The following NEK5 variants were observed in gnomAD, a reference collection of about 807,000 sequenced individuals.
NEK5 encodes the protein serine/threonine-protein kinase Nek5.
NEK5 carries 88 observed loss-of-function variants against 109.2 expected under a neutral mutation model. The ratio of observed to expected loss-of-function variants is 0.81; its 90% CI spans 0.68 to 0.96. The LOEUF (loss-of-function observed/expected upper bound fraction) is 0.96. NEK5 is among the 40% of genes least tolerant of loss of function. The probability of loss-of-function intolerance (pLI) is 0.00; values close to 1 mark genes in which losing one functional copy is unlikely to be tolerated. For synonymous variants in NEK5, 283 were observed against 299.9 expected (o/e 0.94, Z 0.58); for missense variants, 834 against 920.7 (o/e 0.91, Z 1.22).
chr13:52,039,637 A>G (rs914619934), intron 23 of NEK5, among the ~76,000 whole-genome samples: 1 of 152,116 alleles, frequency 6.6e-6, no homozygotes, highest in South Asian at 2.1e-4. Context: ...TTTCATATAC[A>G]TTTGACTTCA....
intron 4 of NEK5, among the ~76,000 whole-genome samples, chr13:52,114,345 T>C (rs960361149): frequency 6.6e-6 from 1 of 152,348 alleles, no homozygotes; most frequent in Middle Eastern, 3.4e-3. Flanking sequence ...CAAAATCTCT[T>C]GCCAAATATC....
intron 21 of NEK5, among the ~76,000 whole-genome samples, chr13:52,064,193 C>T (rs1179892436): frequency 1.4e-4 from 19 of 138,224 alleles, no homozygotes; most frequent in East Asian, 4.5e-4. Flanking sequence ...GTCAGCCCCC[C>T]GCCCGGCCAG....
At chr13:52,042,366 G>C (rs1327605609) in intron 23 of NEK5, among the ~76,000 whole-genome samples, 2 of 150,244 alleles carry the variant, frequency 1.3e-5, no homozygotes, top group African/African-American at 4.9e-5. Flanking sequence ...TTGAGAATAT[G>C]TATATATTAA....
chr13:52,059,893 A>G (rs1246080066), intron 22 of NEK5, among the ~76,000 whole-genome samples: 4 of 152,112 alleles, frequency 2.6e-5, no homozygotes, highest in Non-Finnish European at 5.9e-5. Flanking sequence ...AGCATGGCAC[A>G]TGTATACATA....
At chr13:52,085,611 G>A (rs1955126455) in intron 16 of NEK5, among the ~76,000 whole-genome samples, 1 of 152,188 alleles carries the variant, frequency 6.6e-6, no homozygotes. Flanking sequence ...GCTTCTCCTA[G>A]GAGAGCATTC....
At chr13:52,037,922 CA>C (rs58843405) in intron 23 of NEK5, among the ~76,000 whole-genome samples, 37 of 141,628 alleles carry the variant, frequency 2.6e-4, no homozygotes, top group Admixed American at 4.8e-4. Flanking sequence ...GACTCCGTCT[CA>C]AAAAAAAAAA....
chr13:52,075,837 G>GAA lies in NEK5; in HGVS notation c.1654-12_1654-11insTT. ...AAATTTTACCCCCTTCTAGGAGAAAGCAAAAAAAAAAAAAAAGTTTAGCAA... is the reference window on the plus strand; with the variant it reads ...AAATTTTACCCCCTTCTAGGAGAAAGAACAAAAAAAAAAAAAAAGTTTAGCAA... On this transcript the variant is annotated splice_polypyrimidine_tract_variant and intron_variant, in intron 18 of 23. Coordinates refer to ENST00000684899, the MANE Select transcript of NEK5 (RefSeq NM_001365552.1). 5 of 1,203,698 alleles carry GAA rather than the reference G, an allele frequency of 4.2e-6. No individual in the cohort carries two copies. The highest frequency in any genetic ancestry group is 2.7e-5 in the East Asian group (1 of 36,384). The allele number at this position is 1,203,698 out of a possible 1,614,324, so 74.6% of individuals were successfully genotyped here. A position where few individuals can be genotyped will look rare whatever the true frequency, so the allele number is the denominator to read the frequency against.
In NEK5 at chr13:52,072,025, T is replaced by G; in HGVS notation, c.1768A>C (p.Lys590Gln). ...NETLTFEDGM[K>Q]FKEYECVKEH... ...TTTACACATTCATATTCCTTAAACT[T>G]CATGCCATCCTCAAAGGTCAAAGTT... The change falls in exon 20 of 24, where the codon AAG (lysine) becomes CAG (glutamine). Residue 590 changes from lysine to glutamine, a missense_variant. Lys to Gln is a moderately conservative substitution (Grantham distance 53). Around this residue, in one of 2 missense-constraint regions of NEK5, gnomAD observed 777 missense variants for 824.7 expected, o/e 0.94. Coordinates refer to ENST00000684899, the MANE Select transcript of NEK5 (RefSeq NM_001365552.1). 1 of 1,611,152 alleles carries G rather than the reference T, an allele frequency of 6.2e-7. No individual in the cohort carries two copies. Among genetic ancestry groups the G allele is most frequent in the Non-Finnish European group, 8.5e-7 (1 of 1,177,378 alleles).
At chr13:52,079,251 C>A (rs78492608) in intron 17 of NEK5, among the ~76,000 whole-genome samples, 2,379 of 140,526 alleles carry the variant, frequency 0.017, 74 homozygotes, top group Admixed American at 0.088. Flanking sequence ...AGGAAGATGT[C>A]TTTTTAAATA....
In NEK5 at chr13:52,089,297, G is replaced by C. The variant is rs752733605; in HGVS notation, c.1225C>G (p.Gln409Glu). The change falls in exon 14 of 24, where the codon CAG becomes GAG. Residue 409 changes from glutamine to glutamate, a missense_variant. By Grantham distance (29) the Gln-to-Glu change is conservative. This residue lies in a region of NEK5 where 777 missense variants were observed against 824.7 expected (regional missense o/e 0.94). Transcript: ENST00000684899. ...SPSQWPAEYL[Q>E]RKFEAQQYKL... is the part of the protein sequence containing the mutation. ...TATTGTTGAGCTTCAAATTTTCTCT[G>C]AAGGTACTCAGCAGGCCTTAGAAAA... 1 of 1,607,762 alleles carries C rather than the reference G, an allele frequency of 6.2e-7. No individual in the cohort carries two copies. The highest frequency in any genetic ancestry group is 8.5e-7 in the Non-Finnish European group (1 of 1,174,720).
At chr13:52,127,960 G>T (rs1209507548) in intron 1 of NEK5, among the ~76,000 whole-genome samples, 1 of 152,058 alleles carries the variant, frequency 6.6e-6, no homozygotes, top group Non-Finnish European at 1.5e-5. Flanking sequence ...ATGGGGGTGG[G>T]GAAGCTGTTT....
chr13:52,091,135 A>T lies in NEK5; in HGVS notation c.1209-1822T>A, dbSNP rs764964023. Among the ~76,000 whole-genome samples, 76 of 152,228 alleles carry T rather than the reference A, an allele frequency of 5.0e-4. 1 individual carries two copies. Among genetic ancestry groups the T allele is most frequent in the Non-Finnish European group, 9.4e-4 (64 of 68,050 alleles). On this transcript the variant is annotated intron_variant, in intron 13 of 23. Transcript: ENST00000684899. ...CAAAGAGGAGGGGTTACCAGGCATC[A>T]AAGGGGCATCCAGGAAAGAGAAGGA... is the stretch of plus-strand genomic sequence containing the variant.
intron 3 of NEK5, among the ~76,000 whole-genome samples, chr13:52,121,034 C>G (rs537764686): frequency 6.6e-6 from 1 of 152,058 alleles, no homozygotes; most frequent in African/African-American, 2.4e-5. Flanking sequence ...AAAATGGACA[C>G]TCATTTATTT....
In NEK5 at chr13:52,112,369, T is replaced by G; in HGVS notation, c.215-4A>C. 1 of 1,571,598 alleles carries G rather than the reference T, an allele frequency of 6.4e-7. No individual in the cohort carries two copies. Among genetic ancestry groups the G allele is most frequent in the Non-Finnish European group, 8.8e-7 (1 of 1,141,942 alleles). On this transcript the variant is annotated splice_polypyrimidine_tract_variant and splice_region_variant and intron_variant, in intron 4 of 23. Coordinates refer to ENST00000684899, the MANE Select transcript of NEK5 (RefSeq NM_001365552.1). ...ACAATAAACAGCCTGCCATTCTCTG[T>G]AAGAAAAGGAATCATTTGGTGCTGG...
At chr13:52,099,567 G>A (rs1452511075) in intron 12 of NEK5, among the ~76,000 whole-genome samples, 176 bp downstream of exon 12, 2 of 152,176 alleles carry the variant, frequency 1.3e-5, no homozygotes, top group African/African-American at 4.8e-5. Flanking sequence ...CTACTCAGGA[G>A]GCTGGGGCAG....
intron 7 of NEK5, 37 bp from the exon 8 acceptor site, chr13:52,108,441 T>C (rs1403416371): frequency 7.5e-7 from 1 of 1,332,900 alleles, no homozygotes; most frequent in South Asian, 1.3e-5. Flanking sequence ...CAGCATGATT[T>C]TTTATTGGAG....
intron 20 of NEK5, among the ~76,000 whole-genome samples, chr13:52,070,403 C>T (rs1231632839): frequency 1.3e-5 from 2 of 152,158 alleles, no homozygotes; most frequent in Admixed American, 1.3e-4. Context: ...GTGTCCCACC[C>T]AAATCTCATC....
At chr13:52,093,006 A>G (rs1050575319) in intron 13 of NEK5, 48 bp downstream of exon 13, 7 of 1,234,908 alleles carry the variant, frequency 5.7e-6, no homozygotes, top group African/African-American at 1.5e-5. Context: ...GTTAATATAT[A>G]AAGATATTTT....
At chr13:52,103,089 A>G (rs958547834) in intron 9 of NEK5, among the ~76,000 whole-genome samples, 8 of 152,326 alleles carry the variant, frequency 5.3e-5, no homozygotes, top group African/African-American at 1.9e-4. Context: ...TATGAAACCA[A>G]TAGTTATTTA....
Sources: gnomAD v4.1 joint callset for allele counts (sites outside exome capture counted in the v4.1 genomes callset) on GRCh38, gnomAD v4.1.1 for gene constraint, gnomAD v4.1.1 regional missense constraint, MANE v1.5 for transcripts, NCBI Gene and HGNC (gene_info 2026-07-23, HGNC 2026-07-21) for gene names.